Variants in ZBTB7C observed in about 807,000 individuals in gnomAD.
ZBTB7C encodes zinc finger and BTB domain-containing protein 7C.
In ZBTB7C, 8 loss-of-function variants were observed where a neutral mutation model predicts 25.7. The observed-to-expected ratio is 0.31, with a 90% CI of 0.18 to 0.56. The LOEUF is 0.56. Ranked by LOEUF, ZBTB7C falls within the 20% of genes least tolerant of loss-of-function variation. The pLI is 0.91. For missense variants in ZBTB7C, 824 were observed against 855.2 expected, an observed-to-expected ratio of 0.96 and a Z score of 0.46; for synonymous variants, 394 against 369.0, an observed-to-expected ratio of 1.07 and a Z score of -0.78.
chr18:48,217,160 C>T (rs1870712962), intron 2 of ZBTB7C, among the ~76,000 whole-genome samples: 1 of 152,196 alleles, frequency 6.6e-6, no homozygotes, highest in Non-Finnish European at 1.5e-5. Context: ...ACCTGGCCTG[C>T]AGAGCCATGA....
At chr18:48,222,011 A>G in intron 2 of ZBTB7C, among the ~76,000 whole-genome samples, 1 of 150,232 alleles carries the variant, frequency 6.7e-6, no homozygotes, top group African/African-American at 2.5e-5. Context: ...GTCTCCCTCT[A>G]TACTGTCCTA....
At chr18:48,059,928 T>C (rs1184744747) in intron 3 of ZBTB7C, among the ~76,000 whole-genome samples, 1 of 152,124 alleles carries the variant, frequency 6.6e-6, no homozygotes, top group Non-Finnish European at 1.5e-5. Context: ...GGTGCGACCC[T>C]TCCCCGGCTT....
intron 2 of ZBTB7C, among the ~76,000 whole-genome samples, chr18:48,302,630 T>C (rs1364365404): frequency 6.6e-6 from 1 of 152,218 alleles, no homozygotes; most frequent in East Asian, 1.9e-4. Context: ...GTCCACGCTC[T>C]ATGTGGTGCA....
chr18:48,204,709 T>C (rs572012466), intron 2 of ZBTB7C, among the ~76,000 whole-genome samples: 8 of 152,282 alleles, frequency 5.3e-5, no homozygotes, highest in East Asian at 1.9e-4. Flanking sequence ...GGTTGTGTTA[T>C]GTGTTCCATG....
At chr18:48,140,059 C>T (rs181849256) in intron 3 of ZBTB7C, among the ~76,000 whole-genome samples, 2 of 152,354 alleles carry the variant, frequency 1.3e-5, no homozygotes, top group African/African-American at 4.8e-5. Flanking sequence ...CCAAACTCAA[C>T]AACTCACTCA....
chr18:48,195,082 T>C (rs1193486277), intron 2 of ZBTB7C, among the ~76,000 whole-genome samples: 3 of 152,188 alleles, frequency 2.0e-5, no homozygotes, highest in Non-Finnish European at 2.9e-5. Context: ...GCAAATATAC[T>C]ATGGTAGGGG....
chr18:48,301,462 G>C (rs2045542330), intron 2 of ZBTB7C, among the ~76,000 whole-genome samples: 1 of 152,208 alleles, frequency 6.6e-6, no homozygotes, highest in African/African-American at 2.4e-5. Context: ...CTGGGCGACA[G>C]AGTGAGACTC....
Position 48,179,005 on chromosome 18 carries a change from T to C in ZBTB7C, c.-17+6929A>G, listed in dbSNP as rs554987699. ...CTTCTCATATTCATTGATTTTGAAG[T>C]GGGTGGAGGGGACAATGCCAGGGAC... On this transcript the variant is annotated intron_variant, in intron 3 of 4. Transcript: ENST00000590800. Among the ~76,000 whole-genome samples the C allele has an allele frequency of 3.9e-5, 6 of 152,214 alleles. 1 individual carries two copies. Among genetic ancestry groups the C allele is most frequent in the African/African-American group, 1.2e-4 (5 of 41,544 alleles).
chr18:48,223,774 A>G (rs1031204396), intron 2 of ZBTB7C, among the ~76,000 whole-genome samples: 3 of 152,240 alleles, frequency 2.0e-5, no homozygotes, highest in African/African-American at 7.2e-5. Context: ...CAGCCCATCC[A>G]AACAAGCAGG....
At chr18:48,312,064 A>G (rs549305141) in intron 2 of ZBTB7C, among the ~76,000 whole-genome samples, 1 of 152,266 alleles carries the variant, frequency 6.6e-6, no homozygotes, top group South Asian at 2.1e-4. Context: ...CTTAGAAGGG[A>G]GCCAATGCCT....
At chr18:48,244,056 C>T (rs1050925862) in intron 2 of ZBTB7C, among the ~76,000 whole-genome samples, 13 of 152,216 alleles carry the variant, frequency 8.5e-5, no homozygotes, top group Non-Finnish European at 1.3e-4. Context: ...ATCTAAGACT[C>T]AAAACTGTAA....
chr18:48,301,343 G>A (rs1440519776), intron 2 of ZBTB7C, among the ~76,000 whole-genome samples: 1 of 152,190 alleles, frequency 6.6e-6, no homozygotes, highest in African/African-American at 2.4e-5. Context: ...GCCGAGTGTG[G>A]TGGCACACGC....
chr18:48,382,892 T>A (rs924628618), intron 1 of ZBTB7C, among the ~76,000 whole-genome samples: 7 of 152,242 alleles, frequency 4.6e-5, no homozygotes, highest in African/African-American at 1.7e-4. Flanking sequence ...CGTTTTCCCC[T>A]TCTATACTCT....
At chr18:48,079,861 C>T (rs949362767) in intron 3 of ZBTB7C, among the ~76,000 whole-genome samples, 17 of 152,152 alleles carry the variant, frequency 1.1e-4, no homozygotes, top group African/African-American at 3.6e-4. Flanking sequence ...CCAGGGGGAC[C>T]GAGCACTGGC....
chr18:48,345,044 A>C (rs1260999360), intron 1 of ZBTB7C, among the ~76,000 whole-genome samples: 3 of 152,222 alleles, frequency 2.0e-5, no homozygotes, highest in African/African-American at 7.2e-5. Flanking sequence ...ATGGTGCATT[A>C]AATCTTCTCA....
At chr18:48,320,214 A>G (rs568532280) in intron 2 of ZBTB7C, among the ~76,000 whole-genome samples, 1 of 152,286 alleles carries the variant, frequency 6.6e-6, no homozygotes, top group East Asian at 1.9e-4. Context: ...ATCCCAGGCC[A>G]AGGCCCTCAG....
chr18:48,250,123 T>A (rs892756298), intron 2 of ZBTB7C, among the ~76,000 whole-genome samples: 1 of 152,166 alleles, frequency 6.6e-6, no homozygotes, highest in Non-Finnish European at 1.5e-5. Flanking sequence ...CCAAATGGAT[T>A]TCCCCAGTGA....
intron 3 of ZBTB7C, among the ~76,000 whole-genome samples, chr18:48,116,713 T>G (rs996906736): frequency 6.6e-5 from 10 of 152,104 alleles, no homozygotes; most frequent in Non-Finnish European, 2.9e-5. Flanking sequence ...CCCTGGGCCC[T>G]CTCTGTCATT....
intron 3 of ZBTB7C, among the ~76,000 whole-genome samples, chr18:48,141,433 G>C (rs138517181): frequency 2.0e-5 from 3 of 152,218 alleles, no homozygotes; most frequent in Admixed American, 6.5e-5. Flanking sequence ...ATCGTGCCTG[G>C]TATGTCACTG....
Sources: gnomAD v4.1 joint callset for allele counts (sites outside exome capture counted in the v4.1 genomes callset) on GRCh38, gnomAD v4.1.1 for gene constraint, MANE v1.5 for transcripts, NCBI Gene and HGNC (gene_info 2026-07-23, HGNC 2026-07-21) for gene names.